Variants in COL10A1 observed in about 807,000 individuals in gnomAD.
COL10A1 encodes collagen type X alpha 1 chain, also known as collagen alpha-1(X) chain.
COL10A1 carries 10 observed loss-of-function variants against 18.2 expected under a neutral mutation model. The ratio of observed to expected loss-of-function variants is 0.55; its 90% CI spans 0.34 to 0.93. The LOEUF (loss-of-function observed/expected upper bound fraction) is 0.93, where lower values mean the gene tolerates loss of function less well. Ranked by LOEUF, COL10A1 falls within the 40% of genes least tolerant of loss-of-function variation. COL10A1 has a pLI of 0.02. For synonymous variants in COL10A1, 330 were observed against 316.6 expected (o/e 1.04, Z -0.45); for missense variants, 897 against 853.5 (o/e 1.05, Z -0.64).
At chr6:116,147,974 G>T (rs1779941036) in intron 1 of COL10A1, among the ~76,000 whole-genome samples, 1 of 150,346 alleles carries the variant, frequency 6.7e-6, no homozygotes, top group South Asian at 2.1e-4. Context: ...GACAGAGCGA[G>T]ACTCTGTCTC....
intron 1 of COL10A1, among the ~76,000 whole-genome samples, chr6:116,147,329 C>T (rs1779923304): frequency 2.0e-5 from 3 of 152,016 alleles, no homozygotes; most frequent in African/African-American, 4.8e-5. Context: ...GTAATCCCAG[C>T]TACCTGGGAG....
chr6:116,216,992 G>A, the COL10A1 span, among the ~76,000 whole-genome samples: 2 of 152,238 alleles, frequency 1.3e-5, no homozygotes, highest in Non-Finnish European at 2.9e-5. Flanking sequence ...GCTGACCATG[G>A]AAGTGTTAGC....
At chr6:116,171,161 A>C in the COL10A1 span, among the ~76,000 whole-genome samples, 1 of 152,152 alleles carries the variant, frequency 6.6e-6, no homozygotes, top group South Asian at 2.1e-4. Flanking sequence ...ATAAATGAAT[A>C]TATGTAAGGT....
At chr6:116,151,857 A>G (rs1780049961) in intron 1 of COL10A1, among the ~76,000 whole-genome samples, 1 of 152,242 alleles carries the variant, frequency 6.6e-6, no homozygotes, top group African/African-American at 2.4e-5. Flanking sequence ...TAATAAACTG[A>G]TAGTTTTGTC....
chr6:116,125,682 T>A, intron 1 of COL10A1, 175 bp from the exon 2 acceptor site: 1 of 520,992 alleles, frequency 1.9e-6, no homozygotes, highest in South Asian at 2.3e-5. Context: ...TGAATATATG[T>A]CTTAGTTATT....
At chr6:116,200,748 C>A in the COL10A1 span, among the ~76,000 whole-genome samples, 1 of 151,992 alleles carries the variant, frequency 6.6e-6, no homozygotes, top group Non-Finnish European at 1.5e-5. Context: ...TCTTCTCCCA[C>A]TAGCTTGGAG....
chr6:116,197,112 C>T, the COL10A1 span, among the ~76,000 whole-genome samples: 1 of 151,886 alleles, frequency 6.6e-6, no homozygotes, highest in Non-Finnish European at 1.5e-5. Context: ...CCCCCACCTC[C>T]TTTCTCCATT....
the COL10A1 span, among the ~76,000 whole-genome samples, chr6:116,178,086 T>TGTGTGTGTGC: frequency 1.3e-5 from 1 of 77,552 alleles, no homozygotes; most frequent in African/African-American, 5.9e-5. Context: ...TGTGTGTGTG[T>TGTGTGTGTGC]GTGCGCGCGC....
chr6:116,178,039 T>C, the COL10A1 span, among the ~76,000 whole-genome samples: 1 of 145,820 alleles, frequency 6.9e-6, no homozygotes. Flanking sequence ...TTTCATAACT[T>C]TACAAAGAGG....
chr6:116,158,043 G>A (rs578014134), intron 1 of COL10A1, among the ~76,000 whole-genome samples: 2 of 152,108 alleles, frequency 1.3e-5, no homozygotes, highest in African/African-American at 4.8e-5. Context: ...AAAAGAAAAA[G>A]CATCACATAT....
At chr6:116,161,238 G>A (rs1345676216), upstream of COL10A1, among the ~76,000 whole-genome samples, 9 of 150,758 alleles carry the variant, frequency 6.0e-5, no homozygotes, top group Admixed American at 6.6e-5. Context: ...TATACCTAAT[G>A]CTAGATGACG....
the COL10A1 span, among the ~76,000 whole-genome samples, chr6:116,214,151 T>C: frequency 1.3e-5 from 2 of 152,072 alleles, no homozygotes; most frequent in African/African-American, 4.8e-5. Context: ...GATTCAAACT[T>C]AGGCCATTTG....
At chr6:116,181,764 A>G in the COL10A1 span, among the ~76,000 whole-genome samples, 27 of 151,908 alleles carry the variant, frequency 1.8e-4, no homozygotes, top group Admixed American at 6.6e-5. Flanking sequence ...GAAGACCTAA[A>G]TAAATGGGAG....
chr6:116,146,966 G>A (rs1335472055), intron 1 of COL10A1, among the ~76,000 whole-genome samples: 1 of 144,404 alleles, frequency 6.9e-6, no homozygotes, highest in Non-Finnish European at 1.5e-5. Context: ...AGAAAAGGTA[G>A]GGGAATATTT....
At chr6:116,163,141 A>AAAAAAATATATAT (rs761718922), upstream of COL10A1, among the ~76,000 whole-genome samples, 49 of 88,372 alleles carry the variant, frequency 5.5e-4, no homozygotes, top group African/African-American at 2.7e-3. Context: ...AAAAAAAAAA[A>AAAAAAATATATAT]ATATATATAT....
chr6:116,129,304 ATTGT>A, upstream of COL10A1, among the ~76,000 whole-genome samples: 1 of 152,176 alleles, frequency 6.6e-6, no homozygotes, highest in Non-Finnish European at 1.5e-5. Flanking sequence ...TGATTGATAA[ATTGT>A]TTGTTGAAAT....
intron 1 of COL10A1, among the ~76,000 whole-genome samples, chr6:116,156,501 A>C (rs1780197897): frequency 6.6e-6 from 1 of 152,230 alleles, no homozygotes; most frequent in Non-Finnish European, 1.5e-5. Flanking sequence ...AGTAAAAAGG[A>C]ATGCGTCTTA....
chr6:116,214,979 G>A, the COL10A1 span, among the ~76,000 whole-genome samples: 197 of 152,152 alleles, frequency 1.3e-3, 2 homozygotes, highest in African/African-American at 4.3e-3. Flanking sequence ...TCTCTAGGGT[G>A]GGGGGCATAG....
At chr6:116,164,935 T>TA in the COL10A1 span, among the ~76,000 whole-genome samples, 1 of 151,426 alleles carries the variant, frequency 6.6e-6, no homozygotes, top group Non-Finnish European at 1.5e-5. Flanking sequence ...AATAAATAAA[T>TA]AAAATACAAA....
Sources: allele counts gnomAD v4.1 joint callset (sites outside exome capture counted in the v4.1 genomes callset), GRCh38; gene constraint gnomAD v4.1.1; transcripts MANE v1.5; gene names NCBI Gene and HGNC (gene_info 2026-07-23, HGNC 2026-07-21).